Variants in MCCC1 observed in about 807,000 individuals in gnomAD.
MCCC1 encodes methylcrotonyl-CoA carboxylase subunit 1.
MCCC1 carries 64 observed loss-of-function variants against 83.8 expected under a neutral mutation model. That is an observed-to-expected ratio of 0.76 (90% CI 0.62 to 0.94). The LOEUF (loss-of-function observed/expected upper bound fraction) is 0.94, where lower values mean the gene tolerates loss of function less well. Ranked by LOEUF, MCCC1 falls within the 40% of genes least tolerant of loss-of-function variation. The pLI, the probability that MCCC1 is intolerant of heterozygous loss-of-function variation, is 0.00. For missense variants in MCCC1, 807 were observed against 904.7 expected (o/e 0.89, Z 1.39); for synonymous variants, 322 against 315.4 (o/e 1.02, Z -0.22).
upstream of MCCC1, among the ~76,000 whole-genome samples, chr3:183,102,181 T>C (rs1204796914): frequency 6.6e-6 from 1 of 151,948 alleles, no homozygotes; most frequent in African/African-American, 2.4e-5. Context: ...CTGGGCAATA[T>C]AGTGAGACCC....
chr3:183,071,590 G>C (rs1266140896), intron 5 of MCCC1, among the ~76,000 whole-genome samples: 1 of 152,066 alleles, frequency 6.6e-6, no homozygotes, highest in African/African-American at 2.4e-5. Context: ...ATATTGATTA[G>C]AAACATTAAG....
intron 4 of MCCC1, among the ~76,000 whole-genome samples, chr3:183,080,446 T>C (rs2108542237): frequency 1.3e-5 from 2 of 152,278 alleles, no homozygotes; most frequent in African/African-American, 4.8e-5. Context: ...TTGCTCCAGT[T>C]CCCAACAAGT....
rs773132536 is a variant in MCCC1, at chr3:183,086,790, T to A, written c.274-2A>T. ...GCCGATGGAATATGCTTCATCTGCC[T>A]GTTTAAGAAACATCACATGCTTAAA... On this transcript the variant is annotated splice_acceptor_variant, in intron 3 of 18. Transcript: ENST00000265594. LOFTEE classifies it high-confidence loss of function. 6.2e-7 allele frequency: 1 copy of A among 1,613,658 alleles called. No homozygotes were observed. The highest frequency in any genetic ancestry group is 8.5e-7 in the Non-Finnish European group (1 of 1,179,708).
intron 3 of MCCC1, among the ~76,000 whole-genome samples, chr3:183,087,301 G>C (rs73053965): frequency 0.011 from 1,703 of 152,228 alleles, 36 homozygotes; most frequent in African/African-American, 0.039. Context: ...CCTTGAAGTA[G>C]ACCATTTAGA....
intron 10 of MCCC1, among the ~76,000 whole-genome samples, chr3:183,044,579 T>C (rs1042595866): frequency 6.6e-6 from 1 of 152,184 alleles, no homozygotes; most frequent in Non-Finnish European, 1.5e-5. Context: ...CCTTAGCTCA[T>C]TTCATCTTGC....
chr3:183,062,611 T>A (rs1201317793), intron 7 of MCCC1, among the ~76,000 whole-genome samples: 1 of 152,172 alleles, frequency 6.6e-6, no homozygotes, highest in Non-Finnish European at 1.5e-5. Context: ...CGCCATGGCC[T>A]CCCAAAGTGC....
intron 11 of MCCC1, among the ~76,000 whole-genome samples, chr3:183,041,362 G>A (rs1206683035): frequency 6.6e-6 from 1 of 152,250 alleles, no homozygotes; most frequent in African/African-American, 2.4e-5. Context: ...CAAAAAAAAG[G>A]AGTCCGTTGT....
intron 4 of MCCC1, among the ~76,000 whole-genome samples, chr3:183,075,523 G>C (rs1210789927): frequency 6.7e-6 from 1 of 149,132 alleles, no homozygotes; most frequent in Non-Finnish European, 1.5e-5. Flanking sequence ...TTTGAGAAGT[G>C]CCTGTTCATG....
upstream of MCCC1, among the ~76,000 whole-genome samples, chr3:183,101,497 C>G (rs373477628): frequency 2.2e-4 from 33 of 152,258 alleles, no homozygotes; most frequent in East Asian, 4.2e-3. Context: ...TCTGGTGGGG[C>G]CTTGGAGAAC....
intron 7 of MCCC1, among the ~76,000 whole-genome samples, chr3:183,061,943 C>G (rs536289153): frequency 6.6e-6 from 1 of 152,166 alleles, no homozygotes; most frequent in Non-Finnish European, 1.5e-5. Flanking sequence ...CGGGAGGTAA[C>G]TGAATCATGG....
chr3:183,107,222 T>C (rs894452135), intron 1 of MCCC1, among the ~76,000 whole-genome samples: 7 of 151,744 alleles, frequency 4.6e-5, no homozygotes, highest in African/African-American at 1.2e-4. Flanking sequence ...CTGGCCAACA[T>C]GGTGAAACCC....
intron 3 of MCCC1, among the ~76,000 whole-genome samples, chr3:183,092,017 T>C (rs1167738722): frequency 3.4e-5 from 5 of 146,386 alleles, no homozygotes; most frequent in Non-Finnish European, 7.5e-5. Flanking sequence ...GTGCCACTGC[T>C]CTCCAGCCTG....
intron 11 of MCCC1, among the ~76,000 whole-genome samples, chr3:183,040,036 C>T (rs1423835333): frequency 7.8e-6 from 1 of 128,560 alleles, no homozygotes; most frequent in African/African-American, 3.0e-5. Flanking sequence ...GTGGAGGTTG[C>T]AGTGAGCCAA....
At position 183,037,271 on chromosome 3, in the gene MCCC1, C is replaced by A; in HGVS notation, c.1541G>T (p.Gly514Val). The change falls in exon 13 of 19, where the codon GGT becomes GTT. Residue 514 changes from glycine to valine, a missense_variant. Transcript: ENST00000265594. ...AKESLCQAAL[G>V]LILKEKAMTD... ...CATGGCTTTCTCCTTGAGGATGAGA[C>A]CCAGGGCTGCCTGGCATAAAGACTC... is the stretch of plus-strand genomic sequence containing the variant. 2 of 1,614,052 alleles carry A rather than the reference C, an allele frequency of 1.2e-6. No homozygotes were observed. Among genetic ancestry groups the A allele is most frequent in the Non-Finnish European group, 1.7e-6 (2 of 1,180,012 alleles).
chr3:183,113,651 T>TGCA (rs1184787569), intron 1 of MCCC1, among the ~76,000 whole-genome samples: 2 of 151,680 alleles, frequency 1.3e-5, no homozygotes, highest in Admixed American at 1.3e-4. Context: ...TGCAATGAGC[T>TGCA]GTGATCACAC....
upstream of MCCC1, among the ~76,000 whole-genome samples, chr3:183,103,766 G>A (rs1464752088): frequency 6.6e-6 from 1 of 152,220 alleles, no homozygotes; most frequent in Non-Finnish European, 1.5e-5. Context: ...GCCCTTGGGT[G>A]GTCGATGGGA....
At chr3:183,016,151 A>C in intron 18 of MCCC1, 1 of 151,778 alleles carries the variant, frequency 6.6e-6, no homozygotes, top group South Asian at 2.0e-4. Flanking sequence ...CTGGTCTTGA[A>C]CTCCTGACCT....
intron 4 of MCCC1, among the ~76,000 whole-genome samples, chr3:183,075,964 G>A (rs1346945401): frequency 6.6e-6 from 1 of 152,152 alleles, no homozygotes; most frequent in Non-Finnish European, 1.5e-5. Flanking sequence ...CACAATTTGA[G>A]TATTTTATAT....
intron 10 of MCCC1, among the ~76,000 whole-genome samples, chr3:183,043,617 T>TTTA (rs890710416): frequency 1.5e-4 from 23 of 152,116 alleles, no homozygotes; most frequent in African/African-American, 5.1e-4. Context: ...GCCCCTTTGT[T>TTTA]TTACCTCTGT....
Sources: allele counts gnomAD v4.1 joint callset (sites outside exome capture counted in the v4.1 genomes callset), GRCh38; gene constraint gnomAD v4.1.1; transcripts MANE v1.5; gene names NCBI Gene and HGNC (gene_info 2026-07-23, HGNC 2026-07-21).